TTBK2: variants seen among roughly 807,000 people sequenced by gnomAD.
TTBK2 encodes the protein tau-tubulin kinase 2.
A neutral mutation model predicts 110.8 loss-of-function variants in TTBK2; 28 were observed. The observed-to-expected ratio is 0.25, with a 90% CI of 0.19 to 0.35. TTBK2 has a LOEUF of 0.35. Ranked by LOEUF, TTBK2 falls within the 10% of genes least tolerant of loss-of-function variation. TTBK2 has a pLI of 1.00. For missense variants in TTBK2, 1,369 were observed against 1,500.3 expected (o/e 0.91, Z 1.45); for synonymous variants, 532 against 527.3 (o/e 1.01, Z -0.12).
chr15:42,909,792 CATAG>C (rs757829764), intron 1 of TTBK2, among the ~76,000 whole-genome samples: 2 of 152,180 alleles, frequency 1.3e-5, no homozygotes, highest in African/African-American at 2.4e-5. Context: ...GAGATGCAAA[CATAG>C]ATAGTAAGTC....
In TTBK2 at chr15:42,763,133, T is replaced by C. The variant is rs866551831; in HGVS notation, c.1999-9886A>G. 4.6e-3 allele frequency among the ~76,000 whole-genome samples: 434 copies of C among 94,646 alleles called. 14 individuals are homozygous for C. The highest frequency in any genetic ancestry group is 0.024 in the African/African-American group (405 of 17,074). 62.1% of individuals were successfully genotyped at this position (94,646 alleles called of 152,430 possible). ...ATATATATATACACATATATATACATATATACATACATATATATATATACA... is the reference window on the plus strand; with the variant it reads ...ATATATATATACACATATATATACACATATACATACATATATATATATACA... On this transcript the variant is annotated intron_variant, in intron 13 of 14. Transcript: ENST00000267890.
intron 7 of TTBK2, among the ~76,000 whole-genome samples, chr15:42,812,881 C>T (rs1375206696): frequency 6.7e-6 from 1 of 150,326 alleles, no homozygotes; most frequent in Non-Finnish European, 1.5e-5. Flanking sequence ...TGACCAAACA[C>T]AGCAGAAAAA....
At position 42,821,237 on chromosome 15, in the gene TTBK2, T is replaced by C. The variant is rs117051394; in HGVS notation, c.538-4140A>G. On this transcript the variant is annotated intron_variant, in intron 6 of 14. Coordinates refer to ENST00000267890, the MANE Select transcript of TTBK2 (RefSeq NM_173500.4). ...TTCTGGAAGAATATATTAAAGAAAC[T>C]AATAACAGTACAGCTACCTAAAGGT... Among the ~76,000 whole-genome samples, 736 of 152,190 alleles carry C rather than the reference T, an allele frequency of 4.8e-3. 13 individuals are homozygous for C. In the East Asian group the frequency reaches 0.057, roughly 12 times the overall value.
At chr15:42,851,350 G>A (rs1399714957) in intron 3 of TTBK2, among the ~76,000 whole-genome samples, 1 of 152,054 alleles carries the variant, frequency 6.6e-6, no homozygotes, top group East Asian at 1.9e-4. Context: ...AGAAGAAGCA[G>A]GCAGGGGTCG....
intron 6 of TTBK2, among the ~76,000 whole-genome samples, chr15:42,818,343 A>C (rs1390713524): frequency 1.3e-5 from 2 of 152,210 alleles, no homozygotes; most frequent in African/African-American, 4.8e-5. Context: ...ATATAGATAT[A>C]GGCTCTGAGA....
At chr15:42,916,552 C>G (rs1011606030) in intron 1 of TTBK2, among the ~76,000 whole-genome samples, 27 of 152,158 alleles carry the variant, frequency 1.8e-4, no homozygotes, top group African/African-American at 6.5e-4. Flanking sequence ...GTCTCCAACT[C>G]CTGACCTCAA....
At chr15:42,798,358 T>C (rs189519325) in intron 9 of TTBK2, 3 of 454,300 alleles carry the variant, frequency 6.6e-6, no homozygotes, top group East Asian at 7.0e-5. Context: ...TATCTCTTCA[T>C]TGGTAATCTC....
intron 8 of TTBK2, 43 bp from the exon 9 acceptor site, chr15:42,810,782 G>C (rs988613987): frequency 3.1e-6 from 5 of 1,610,732 alleles, no homozygotes; most frequent in Non-Finnish European, 4.2e-6. Context: ...ATTTCTCTTG[G>C]TGGTTAGGCA....
chr15:42,898,196 A>G (rs1895742401), intron 1 of TTBK2, among the ~76,000 whole-genome samples: 1 of 152,130 alleles, frequency 6.6e-6, no homozygotes. Flanking sequence ...TCAAGTTGTC[A>G]TGATAATGGT....
At chr15:42,749,883 G>A (rs1278457080) in intron 14 of TTBK2, among the ~76,000 whole-genome samples, 1 of 152,146 alleles carries the variant, frequency 6.6e-6, no homozygotes, top group African/African-American at 2.4e-5. Flanking sequence ...TACATCTCAG[G>A]CTGGTCCTCA....
At chr15:42,913,675 A>G (rs2030918691) in intron 1 of TTBK2, among the ~76,000 whole-genome samples, 1 of 152,144 alleles carries the variant, frequency 6.6e-6, no homozygotes, top group Non-Finnish European at 1.5e-5. Context: ...ACAGGTCAGT[A>G]TGGTTACAAT....
intron 3 of TTBK2, among the ~76,000 whole-genome samples, chr15:42,843,302 G>A (rs80233351): frequency 0.012 from 1,759 of 152,278 alleles, 29 homozygotes; most frequent in African/African-American, 0.039. Flanking sequence ...ACTCTCTGGC[G>A]ACAGAAACTG....
At chr15:42,896,791 T>C (rs1895684483) in intron 1 of TTBK2, among the ~76,000 whole-genome samples, 1 of 151,752 alleles carries the variant, frequency 6.6e-6, no homozygotes, top group South Asian at 2.1e-4. Context: ...TGAGACCCTG[T>C]CTCCAAAAAA....
intron 10 of TTBK2, among the ~76,000 whole-genome samples, chr15:42,791,595 C>A (rs944920307): frequency 3.3e-5 from 5 of 151,708 alleles, no homozygotes; most frequent in African/African-American, 4.8e-5. Context: ...ATAATTTTGT[C>A]TTTGCCTTCT....
chr15:42,818,036 T>A (rs1892115598), intron 6 of TTBK2, among the ~76,000 whole-genome samples: 1 of 152,158 alleles, frequency 6.6e-6, no homozygotes. Context: ...CCCAAATCAA[T>A]TTTATTTATA....
chr15:42,772,120 G>C (rs995248225), intron 13 of TTBK2, among the ~76,000 whole-genome samples: 3 of 151,794 alleles, frequency 2.0e-5, no homozygotes, highest in Non-Finnish European at 2.9e-5. Context: ...GTACAGCGTT[G>C]GTCTTTGTGA....
chr15:42,885,490 C>T (rs1460664237), intron 1 of TTBK2, among the ~76,000 whole-genome samples: 3 of 152,188 alleles, frequency 2.0e-5, no homozygotes, highest in South Asian at 4.1e-4. Flanking sequence ...CCCAAAACTC[C>T]GGCACCAGTC....
intron 13 of TTBK2, among the ~76,000 whole-genome samples, chr15:42,770,652 C>G (rs560854679): frequency 5.9e-5 from 9 of 152,132 alleles, no homozygotes; most frequent in Non-Finnish European, 8.8e-5. Context: ...TTATAATGAC[C>G]AAATTTTCCA....
At chr15:42,863,822 GA>G (rs1381087556) in intron 3 of TTBK2, among the ~76,000 whole-genome samples, 23 of 152,318 alleles carry the variant, frequency 1.5e-4, no homozygotes, top group African/African-American at 5.5e-4. Flanking sequence ...ACAAGAGCAA[GA>G]AATGTGGAAA....
Sources: gnomAD v4.1 joint callset for allele counts (sites outside exome capture counted in the v4.1 genomes callset) on GRCh38, gnomAD v4.1.1 for gene constraint, MANE v1.5 for transcripts, NCBI Gene and HGNC (gene_info 2026-07-23, HGNC 2026-07-21) for gene names.